The following TSC22D2 variants were observed in gnomAD, a reference collection of about 807,000 sequenced individuals.
TSC22D2 encodes the protein TSC22 domain family member 2.
A neutral mutation model predicts 50.1 loss-of-function variants in TSC22D2; 5 were observed. That is an observed-to-expected ratio of 0.10 (90% CI 0.05 to 0.21). TSC22D2 has a LOEUF of 0.21. Ranked by LOEUF, TSC22D2 falls within the 10% of genes least tolerant of loss-of-function variation. The probability of loss-of-function intolerance (pLI) is 1.00; values close to 1 mark genes in which losing one functional copy is unlikely to be tolerated. For missense variants in TSC22D2, 1,003 were observed against 1,015.5 expected, an observed-to-expected ratio of 0.99 and a Z score of 0.17; for synonymous variants, 501 against 450.1, an observed-to-expected ratio of 1.11 and a Z score of -1.43.
intron 1 of TSC22D2, among the ~76,000 whole-genome samples, chr3:150,444,045 C>T (rs751519220): frequency 1.3e-5 from 2 of 148,188 alleles, no homozygotes; most frequent in Non-Finnish European, 3.0e-5. Flanking sequence ...AACTTGAACC[C>T]GTTTTTCTAT....
At chr3:150,437,527 G>A (rs557034535) in intron 1 of TSC22D2, among the ~76,000 whole-genome samples, 4 of 152,142 alleles carry the variant, frequency 2.6e-5, no homozygotes, top group Admixed American at 6.5e-5. Context: ...ACTCAGCCAG[G>A]CATGGTGGCT....
At chr3:150,419,857 A>G (rs1459774522) in intron 1 of TSC22D2, among the ~76,000 whole-genome samples, 6 of 152,208 alleles carry the variant, frequency 3.9e-5, no homozygotes. Context: ...TGGCTGAAGT[A>G]CAGTGTAAAC....
chr3:150,436,373 C>T lies in TSC22D2; in HGVS notation c.1959-20703C>T, dbSNP rs79483113. On this transcript the variant is annotated intron_variant, in intron 1 of 2. Coordinates refer to ENST00000688009, the MANE Select transcript of TSC22D2 (RefSeq NM_001303264.2). ...GCCCTTTAACAAAGGGTCAAGCAGT[C>T]GGCCCTTTAACAAAAGGTCAAGCAG... Among the ~76,000 whole-genome samples the T allele has an allele frequency of 9.9e-4, 151 of 151,852 alleles. 2 individuals carry two copies. In the East Asian group the frequency reaches 0.019, roughly 19 times the overall value.
At chr3:150,444,910 C>T (rs1409612886) in intron 1 of TSC22D2, among the ~76,000 whole-genome samples, 1 of 127,656 alleles carries the variant, frequency 7.8e-6, no homozygotes, top group Non-Finnish European at 1.8e-5. Context: ...TGATTCTCAG[C>T]TAGGGTAATA....
At chr3:150,435,126 C>CA (rs1720497210) in intron 1 of TSC22D2, among the ~76,000 whole-genome samples, 1 of 152,020 alleles carries the variant, frequency 6.6e-6, no homozygotes, top group Admixed American at 6.6e-5. Flanking sequence ...TACGGGCGCC[C>CA]ACCACCATGC....
intron 1 of TSC22D2, among the ~76,000 whole-genome samples, chr3:150,427,809 C>T (rs1720241739): frequency 6.6e-6 from 1 of 151,846 alleles, no homozygotes; most frequent in African/African-American, 2.4e-5. Flanking sequence ...TTCCTTTCTT[C>T]TTCTCTTCCT....
intron 1 of TSC22D2, among the ~76,000 whole-genome samples, chr3:150,440,712 A>T (rs1387226201): frequency 2.0e-5 from 3 of 152,084 alleles, no homozygotes; most frequent in Non-Finnish European, 4.4e-5. Context: ...TAAAGCATTT[A>T]TCAGGCAAAA....
chr3:150,438,030 A>C (rs539860964), intron 1 of TSC22D2, among the ~76,000 whole-genome samples: 1 of 152,062 alleles, frequency 6.6e-6, no homozygotes, highest in Non-Finnish European at 1.5e-5. Flanking sequence ...CTGAAAATCC[A>C]TGTTGAAATT....
intron 1 of TSC22D2, among the ~76,000 whole-genome samples, chr3:150,429,216 G>A (rs1019363993): frequency 1.3e-5 from 2 of 152,074 alleles, no homozygotes; most frequent in African/African-American, 4.8e-5. Context: ...GAAAATGAGT[G>A]ACAGTAAGCT....
chr3:150,410,528 C>T lies in TSC22D2; in HGVS notation c.1178C>T (p.Pro393Leu), dbSNP rs750443827. 1.3e-6 allele frequency: 2 copies of T among 1,576,362 alleles called. No individual in the cohort carries two copies. The highest frequency in any genetic ancestry group is 1.4e-5 in the African/African-American group (1 of 73,288). Reference protein sequence around the residue: ...QHVAGLQPPSPAQPSSTGAAA... With the variant: ...QHVAGLQPPSLAQPSSTGAAA... The stretch of plus-strand genomic sequence containing the variant: ...GTGGCCGGCCTGCAGCCGCCAAGCC[C>T]CGCGCAGCCCTCGTCCACCGGCGCC... Residue 393 changes from proline to leucine, a missense_variant, in exon 1 of 3, where the codon CCC becomes CTC. Transcript: ENST00000688009.
At chr3:150,411,373 A>G in intron 1 of TSC22D2, 65 bp downstream of exon 1, 1 of 1,435,402 alleles carries the variant, frequency 7.0e-7, no homozygotes, top group Middle Eastern at 1.8e-4. Context: ...CTTAGGATGC[A>G]ACTTTGGGAG....
intron 1 of TSC22D2, among the ~76,000 whole-genome samples, chr3:150,411,598 A>C (rs1410649587): frequency 1.3e-5 from 2 of 152,190 alleles, no homozygotes; most frequent in Non-Finnish European, 2.9e-5. Context: ...GGTGGTAGCT[A>C]GTGTGTTATG....
rs752306033 is a variant in TSC22D2 at position 150,461,364 on chromosome 3, T to C, written c.*2728T>C. 37 of 152,202 alleles carry C rather than the reference T, an allele frequency of 2.4e-4. 1 individual carries two copies. The highest frequency in any genetic ancestry group is 1.4e-3 in the Admixed American group (21 of 15,278). The allele number at this position is 152,202 out of a possible 1,614,324, so 9.4% of individuals were successfully genotyped here. On this transcript the variant is annotated 3_prime_UTR_variant, in exon 3 of 3. Transcript: ENST00000688009. ...AGATTTAGTCTCCTGCTCCAAATAG[T>C]TGTAAATATTAACTGATTGAGATCC... is the stretch of plus-strand genomic sequence containing the variant.
chr3:150,431,018 ATAT>A (rs964782904), intron 1 of TSC22D2, among the ~76,000 whole-genome samples: 4 of 152,040 alleles, frequency 2.6e-5, no homozygotes, highest in Non-Finnish European at 4.4e-5. Context: ...TCATCCTAAC[ATAT>A]TATTTTAGGA....
chr3:150,428,564 G>T (rs1185171020), intron 1 of TSC22D2, among the ~76,000 whole-genome samples: 1 of 150,532 alleles, frequency 6.6e-6, no homozygotes, highest in Non-Finnish European at 1.5e-5. Context: ...TAAATTCAGG[G>T]AGGTTGAAAC....
At chr3:150,418,457 A>G (rs1198071690) in intron 1 of TSC22D2, among the ~76,000 whole-genome samples, 1 of 152,046 alleles carries the variant, frequency 6.6e-6, no homozygotes, top group Non-Finnish European at 1.5e-5. Context: ...AATATATAAA[A>G]GAGTAAAATC....
Position 150,464,539 on chromosome 3 carries a change from C to T in TSC22D2, c.*5903C>T, listed in dbSNP as rs1432697229. 1 of 152,082 alleles carries T rather than the reference C, an allele frequency of 6.6e-6. No homozygotes were observed. The highest frequency in any genetic ancestry group is 1.5e-5 in the Non-Finnish European group (1 of 68,006). 9.4% of individuals were successfully genotyped at this position (152,082 alleles called of 1,614,324 possible). On this transcript the variant is annotated 3_prime_UTR_variant, in exon 3 of 3. Coordinates refer to ENST00000688009, the MANE Select transcript of TSC22D2 (RefSeq NM_001303264.2). Reference sequence around the variant, plus strand: ...GACATGATTTGTGTGCTCCAATGAGCTCAGTCCAGTGTAAGTGTAAAAGTT... The same window carrying T: ...GACATGATTTGTGTGCTCCAATGAGTTCAGTCCAGTGTAAGTGTAAAAGTT...
Position 150,466,027 on chromosome 3 carries a change from G to A in TSC22D2, c.*7391G>A, listed in dbSNP as rs1721532609. Reference sequence around the variant, plus strand: ...GGAAAAACCAAAATACTCATCAAGAGGATGGACTATGGTACACATGATGAA... The same window carrying A: ...GGAAAAACCAAAATACTCATCAAGAAGATGGACTATGGTACACATGATGAA... On this transcript the variant is annotated 3_prime_UTR_variant, in exon 3 of 3. Transcript: ENST00000688009. The A allele has an allele frequency of 6.6e-6, 1 of 152,086 alleles. No individual in the cohort carries two copies. The highest frequency in any genetic ancestry group is 2.4e-5 in the African/African-American group (1 of 41,400). 9.4% of individuals were successfully genotyped at this position (152,086 alleles called of 1,614,324 possible).
At chr3:150,448,187 G>T (rs184001205) in intron 1 of TSC22D2, among the ~76,000 whole-genome samples, 2 of 152,218 alleles carry the variant, frequency 1.3e-5, no homozygotes, top group East Asian at 1.9e-4. Context: ...CATCTAATAA[G>T]AAATAATGCT....
Sources: gnomAD v4.1 joint callset for allele counts (sites outside exome capture counted in the v4.1 genomes callset) on GRCh38, gnomAD v4.1.1 for gene constraint, MANE v1.5 for transcripts, NCBI Gene and HGNC (gene_info 2026-07-23, HGNC 2026-07-21) for gene names.